The following FOXP1 variants were observed in gnomAD, a reference collection of about 807,000 sequenced individuals.
FOXP1 encodes the protein forkhead box protein P1.
Under a neutral mutation model 98.2 loss-of-function variants are expected in FOXP1, and 15 were observed. That is an observed-to-expected ratio of 0.15 (90% CI 0.10 to 0.24). The LOEUF (loss-of-function observed/expected upper bound fraction) is 0.24, where lower values mean the gene tolerates loss of function less well. Among genes scored for constraint, FOXP1 ranks in the 10% least tolerant of loss-of-function variants. The pLI is 1.00. For missense variants in FOXP1, 633 were observed against 848.5 expected (o/e 0.75, Z 3.15); for synonymous variants, 371 against 314.5 (o/e 1.18, Z -1.90).
chr3:71,400,381 G>A (rs2081871760), intron 3 of FOXP1, among the ~76,000 whole-genome samples: 1 of 151,526 alleles, frequency 6.6e-6, no homozygotes, highest in South Asian at 2.1e-4. Context: ...TTTTGAGACA[G>A]AGTCTCGTTC....
intron 4 of FOXP1, among the ~76,000 whole-genome samples, chr3:71,313,517 T>A (rs1162443348): frequency 2.0e-5 from 3 of 151,588 alleles, no homozygotes; most frequent in African/African-American, 7.3e-5. Context: ...ACAGATCGAG[T>A]ATCTGCATTT....
At chr3:70,961,301 G>A (rs528140064) in intron 20 of FOXP1, among the ~76,000 whole-genome samples, 2 of 152,192 alleles carry the variant, frequency 1.3e-5, no homozygotes, top group South Asian at 2.1e-4. Flanking sequence ...CAGGATCTCG[G>A]CTCACTGCAA....
At chr3:70,988,101 T>C in intron 13 of FOXP1, 24 bp from the exon 14 acceptor site, 2 of 1,608,340 alleles carry the variant, frequency 1.2e-6, no homozygotes, top group Non-Finnish European at 1.7e-6. Flanking sequence ...AATGCTTTGT[T>C]ATTTCTCTGA....
intron 6 of FOXP1, among the ~76,000 whole-genome samples, chr3:71,174,785 T>TACACATACAC (rs2061834985): frequency 7.6e-6 from 1 of 131,678 alleles, no homozygotes; most frequent in African/African-American, 2.8e-5. Context: ...TGCACATGCA[T>TACACATACAC]ACACACACAC....
At chr3:71,442,495 T>C (rs532307011) in intron 3 of FOXP1, among the ~76,000 whole-genome samples, 1 of 152,234 alleles carries the variant, frequency 6.6e-6, no homozygotes, top group African/African-American at 2.4e-5. Flanking sequence ...TTAGTGAAAT[T>C]ATTCATGCAA....
chr3:71,393,731 G>C (rs557352205), intron 3 of FOXP1, among the ~76,000 whole-genome samples: 1 of 152,318 alleles, frequency 6.6e-6, no homozygotes, highest in South Asian at 2.1e-4. Context: ...TTTTGAAAGG[G>C]TGTCTGTGAA....
At chr3:71,505,090 A>C (rs1267833681) in intron 2 of FOXP1, among the ~76,000 whole-genome samples, 2 of 152,212 alleles carry the variant, frequency 1.3e-5, no homozygotes, top group Non-Finnish European at 2.9e-5. Context: ...CCACCAGTGA[A>C]TACTACTGAG....
intron 11 of FOXP1, among the ~76,000 whole-genome samples, chr3:71,029,895 G>A (rs765249655): frequency 2.6e-5 from 4 of 152,166 alleles, no homozygotes; most frequent in Non-Finnish European, 5.9e-5. Context: ...CTCAATACGT[G>A]TGGTATGAAT....
At chr3:71,009,526 T>C (rs1197891116) in intron 12 of FOXP1, among the ~76,000 whole-genome samples, 1 of 152,164 alleles carries the variant, frequency 6.6e-6, no homozygotes, top group African/African-American at 2.4e-5. Context: ...ACCAGAGGTT[T>C]CTGATTAAAA....
intron 3 of FOXP1, among the ~76,000 whole-genome samples, chr3:71,472,064 C>G (rs1398674341): frequency 2.6e-5 from 4 of 152,104 alleles, no homozygotes; most frequent in Non-Finnish European, 5.9e-5. Flanking sequence ...AAAGTCGATG[C>G]TAGAAGGTAC....
chr3:71,473,231 A>C (rs9681728), intron 3 of FOXP1, among the ~76,000 whole-genome samples: 47,115 of 152,086 alleles, frequency 0.31, 8,750 homozygotes, highest in Non-Finnish European at 0.43. Context: ...TAATTTACCT[A>C]GGTACATACA....
chr3:71,492,640 T>C (rs1252397317), intron 3 of FOXP1, among the ~76,000 whole-genome samples: 1 of 152,114 alleles, frequency 6.6e-6, no homozygotes, highest in African/African-American at 2.4e-5. Flanking sequence ...TTAAATGCTA[T>C]TCAATACAAA....
In FOXP1 at chr3:71,041,395, A is replaced by T. The variant is rs757013954; in HGVS notation, c.802T>A (p.Ser268Thr). Residue 268 changes from serine to threonine, a missense_variant, in exon 11 of 21, where the codon TCC becomes ACC. Transcript: ENST00000649528. ...GAGGCATGTGGGTTCATTATTAAGGAGGTCTTGGAAGGTGCAGAGGAGGAG... is the reference window on the plus strand; with the variant it reads ...GAGGCATGTGGGTTCATTATTAAGGTGGTCTTGGAAGGTGCAGAGGAGGAG... ...CVSSSAPSKT[S>T]LIMNPHASTN... 1.2e-6 allele frequency: 2 copies of T among 1,613,762 alleles called. No individual in the cohort carries two copies. Among genetic ancestry groups the T allele is most frequent in the South Asian group, 1.1e-5 (1 of 91,086 alleles).
At chr3:71,229,278 T>A (rs950230528) in intron 5 of FOXP1, among the ~76,000 whole-genome samples, 4 of 152,212 alleles carry the variant, frequency 2.6e-5, no homozygotes, top group Non-Finnish European at 5.9e-5. Context: ...TAAGTGTACT[T>A]AAAGTACTGA....
chr3:71,423,038 C>G (rs2083789718), intron 3 of FOXP1, among the ~76,000 whole-genome samples: 1 of 152,174 alleles, frequency 6.6e-6, no homozygotes, highest in Admixed American at 6.5e-5. Context: ...ACACCCAGCC[C>G]AATATCTGAG....
chr3:71,123,993 C>T (rs1045652142), intron 6 of FOXP1, among the ~76,000 whole-genome samples: 2 of 151,906 alleles, frequency 1.3e-5, no homozygotes, highest in African/African-American at 2.4e-5. Flanking sequence ...ACAGGGAGGG[C>T]GACAAGGGTG....
intron 5 of FOXP1, among the ~76,000 whole-genome samples, chr3:71,260,740 A>G (rs2069060574): frequency 6.6e-6 from 1 of 151,084 alleles, no homozygotes; most frequent in African/African-American, 2.4e-5. Flanking sequence ...ACAGGGTTTC[A>G]CTATGCTGGG....
chr3:71,465,935 A>C (rs2088677487), intron 3 of FOXP1, among the ~76,000 whole-genome samples: 11 of 152,134 alleles, frequency 7.2e-5, no homozygotes, highest in Non-Finnish European at 1.3e-4. Context: ...GAACCTAACT[A>C]ATGCCTGATG....
At chr3:71,430,060 C>T (rs201812246) in intron 3 of FOXP1, among the ~76,000 whole-genome samples, 1 of 152,154 alleles carries the variant, frequency 6.6e-6, no homozygotes. Context: ...GGAAGTGATA[C>T]GAGAGGTTTT....
Sources: allele counts gnomAD v4.1 joint callset (sites outside exome capture counted in the v4.1 genomes callset), GRCh38; gene constraint gnomAD v4.1.1; transcripts MANE v1.5; gene names NCBI Gene and HGNC (gene_info 2026-07-23, HGNC 2026-07-21).